The following CATSPERE variants were observed in gnomAD, a reference collection of about 807,000 sequenced individuals.
CATSPERE encodes cation channel sperm-associated auxiliary subunit epsilon.
Under a neutral mutation model 114.1 loss-of-function variants are expected in CATSPERE, and 93 were observed. The ratio of observed to expected loss-of-function variants is 0.81; its 90% CI spans 0.69 to 0.97. The LOEUF (loss-of-function observed/expected upper bound fraction) is 0.97, where lower values mean the gene tolerates loss of function less well. Among genes scored for constraint, CATSPERE ranks in the 50% least tolerant of loss-of-function variants. The pLI is 0.00. For synonymous variants in CATSPERE, 341 were observed against 384.1 expected, an observed-to-expected ratio of 0.89 and a Z score of 1.31; for missense variants, 1,058 against 1,131.6, an observed-to-expected ratio of 0.93 and a Z score of 0.93.
chr1:244,510,197 A>G (rs1675475748), intron 7 of CATSPERE, among the ~76,000 whole-genome samples: 1 of 152,122 alleles, frequency 6.6e-6, no homozygotes, highest in Admixed American at 6.6e-5. Context: ...TTTATGACCT[A>G]GGTGTTTATT....
At chr1:244,513,510 A>G (rs925677931) in intron 7 of CATSPERE, among the ~76,000 whole-genome samples, 1 of 152,222 alleles carries the variant, frequency 6.6e-6, no homozygotes, top group African/African-American at 2.4e-5. Flanking sequence ...ATACACTGGC[A>G]GCGGCAGTTG....
At chr1:244,451,521 G>A (rs1010494407), upstream of CATSPERE, 165 of 1,169,250 alleles carry the variant, frequency 1.4e-4, 1 homozygote, top group East Asian at 4.0e-3. The surrounding 1 kb of genome is among the most constrained non-coding windows in gnomAD (Gnocchi z 6.6). Context: ...GCCTCAAGGT[G>A]ACACCTCATT....
chr1:244,494,356 G>A (rs1475365125), intron 6 of CATSPERE, among the ~76,000 whole-genome samples: 1 of 147,740 alleles, frequency 6.8e-6, no homozygotes, highest in Non-Finnish European at 1.5e-5. Context: ...ACAAGGACAA[G>A]AAACCAAACA....
intron 20 of CATSPERE, among the ~76,000 whole-genome samples, chr1:244,620,620 A>G (rs2148714159): frequency 1.3e-5 from 2 of 152,318 alleles, no homozygotes; most frequent in East Asian, 3.9e-4. Flanking sequence ...AAAAATATAA[A>G]TAGCATTCTA....
In CATSPERE at chr1:244,588,634, A is replaced by G. The variant is rs531759243; in HGVS notation, c.2138+100A>G. The G allele has an allele frequency of 5.5e-6, 5 of 908,444 alleles. No homozygotes were observed. The South Asian group carries it at 5.7e-5, about 10-fold the overall frequency. 56.3% of individuals were successfully genotyped at this position (908,444 alleles called of 1,614,324 possible). A position where few individuals can be genotyped will look rare whatever the true frequency, so the allele number is the denominator to read the frequency against. Reference sequence around the variant, plus strand: ...GTGATAATAGCCTAATGACTGACACATCCACAATGAAATCCAAAACTGAAT... The same window carrying G: ...GTGATAATAGCCTAATGACTGACACGTCCACAATGAAATCCAAAACTGAAT... On this transcript the variant is annotated intron_variant, in intron 14 of 21. Coordinates refer to ENST00000366534, the MANE Select transcript of CATSPERE (RefSeq NM_001130957.2).
intron 5 of CATSPERE, among the ~76,000 whole-genome samples, chr1:244,486,517 C>T (rs564979575): frequency 0.027 from 3,011 of 113,396 alleles, 1 homozygote; most frequent in East Asian, 0.05. Flanking sequence ...TGTAGACCCT[C>T]GTAGTCACCT....
At chr1:244,594,048 C>T (rs879834639) in intron 17 of CATSPERE, among the ~76,000 whole-genome samples, 7 of 152,166 alleles carry the variant, frequency 4.6e-5, no homozygotes, top group Middle Eastern at 3.2e-3. Context: ...CAGCCAGGTA[C>T]GGTGGCTCAC....
At chr1:244,527,940 G>A (rs1251893498) in intron 8 of CATSPERE, among the ~76,000 whole-genome samples, 1 of 152,122 alleles carries the variant, frequency 6.6e-6, no homozygotes, top group Non-Finnish European at 1.5e-5. Context: ...GTCTCACCCT[G>A]TTGCCCAAGC....
At position 244,469,156 on chromosome 1, in the gene CATSPERE, C is replaced by T. The variant is rs113060739; in HGVS notation, c.114+5200C>T. ...ATCATTGGGGAGGTTTATATGTAAG[C>T]TTGGTAATTTCCACAGAATTTGTTC... On this transcript the variant is annotated intron_variant, in intron 2 of 21. Transcript: ENST00000366534. Among the ~76,000 whole-genome samples, 295 of 152,236 alleles carry T rather than the reference C, an allele frequency of 1.9e-3. 3 individuals are homozygous for T. The highest frequency in any genetic ancestry group is 6.4e-3 in the African/African-American group (266 of 41,530).
intron 8 of CATSPERE, among the ~76,000 whole-genome samples, chr1:244,539,389 G>A (rs2148450317): frequency 7.8e-6 from 1 of 128,092 alleles, no homozygotes; most frequent in Non-Finnish European, 1.7e-5. Context: ...ATTTTATTGA[G>A]GATTTTTGCA....
chr1:244,549,657 T>C (rs906800310), intron 8 of CATSPERE, among the ~76,000 whole-genome samples: 3 of 152,192 alleles, frequency 2.0e-5, no homozygotes, highest in African/African-American at 7.2e-5. Flanking sequence ...GCAGGATAGT[T>C]GTACCATGTT....
intron 9 of CATSPERE, among the ~76,000 whole-genome samples, chr1:244,558,064 C>T (rs142215923): frequency 2.0e-4 from 30 of 152,084 alleles, no homozygotes; most frequent in South Asian, 6.2e-4. Flanking sequence ...AATTCTCGCA[C>T]CTTGGCTTCC....
chr1:244,567,133 A>G (rs952022722), intron 10 of CATSPERE, among the ~76,000 whole-genome samples: 7 of 152,206 alleles, frequency 4.6e-5, no homozygotes, highest in Middle Eastern at 3.4e-3. Context: ...ATGAAATTCT[A>G]TGTTGAAAAT....
intron 8 of CATSPERE, among the ~76,000 whole-genome samples, chr1:244,531,355 C>G (rs537318576): frequency 6.6e-6 from 1 of 151,916 alleles, no homozygotes; most frequent in African/African-American, 2.4e-5. Context: ...CTAGCTAGGA[C>G]TTCCAGTACT....
At chr1:244,624,436 T>C (rs932032576) in intron 20 of CATSPERE, among the ~76,000 whole-genome samples, 12 of 152,174 alleles carry the variant, frequency 7.9e-5, no homozygotes, top group African/African-American at 2.9e-4. Flanking sequence ...TCAACTGCAT[T>C]TATGTAATAT....
In CATSPERE at chr1:244,477,549, A is replaced by G. The variant is rs1669562391; in HGVS notation, c.123A>G (p.Leu41=). The G allele has an allele frequency of 1.9e-6, 3 of 1,577,240 alleles. No individual in the cohort carries two copies. The highest frequency in any genetic ancestry group is 1.7e-4 in the Middle Eastern group (1 of 5,986). The stretch of plus-strand genomic sequence containing the variant: ...CTTGTTTTCTTTTTTAGATTAAGTT[A>G]GAGTATGAAGGAACATTATTTACTG... ...RIFSTRSTIK[L]EYEGTLFTEW... is the part of the protein sequence containing the mutation. Residue 41 remains leucine (L), a synonymous_variant, in exon 3 of 22, where the codon TTA becomes TTG. Transcript: ENST00000366534.
At chr1:244,565,752 A>AT (rs1223885628) in intron 10 of CATSPERE, among the ~76,000 whole-genome samples, 1 of 151,330 alleles carries the variant, frequency 6.6e-6, no homozygotes, top group Non-Finnish European at 1.5e-5. Context: ...AGATTCATAG[A>AT]TTTCAAGATT....
chr1:244,556,269 C>T (rs953242477), intron 9 of CATSPERE, among the ~76,000 whole-genome samples: 4 of 150,578 alleles, frequency 2.7e-5, no homozygotes, highest in African/African-American at 9.8e-5. Context: ...AAAATTTATA[C>T]AAGATAGAGT....
chr1:244,464,010 T>C (rs564881484), intron 2 of CATSPERE, 54 bp downstream of exon 2: 6 of 1,272,128 alleles, frequency 4.7e-6, no homozygotes, highest in Admixed American at 1.7e-5. Context: ...TTTTGAACTT[T>C]AGAGCAGAGA....
Sources: gnomAD v4.1 joint callset for allele counts (sites outside exome capture counted in the v4.1 genomes callset) on GRCh38, gnomAD v4.1.1 for gene constraint, Gnocchi (gnomAD v3.1) non-coding constraint, MANE v1.5 for transcripts, NCBI Gene and HGNC (gene_info 2026-07-23, HGNC 2026-07-21) for gene names.